The following UMAD1 variants were observed in gnomAD, a reference collection of about 807,000 sequenced individuals.
UMAD1 encodes UBAP1-MVB12-associated (UMA)-domain containing protein 1.
In UMAD1, 8 loss-of-function variants were observed where a neutral mutation model predicts 6.1. The observed-to-expected ratio is 1.30, with a 90% confidence interval of 0.76 to 2.35. The LOEUF (loss-of-function observed/expected upper bound fraction) is 2.35. Among genes scored for constraint, UMAD1 ranks in the 30% most tolerant of loss-of-function variants. The pLI is 0.00. For missense variants in UMAD1, 130 were observed against 78.4 expected (o/e 1.66, Z -2.49); for synonymous variants, 56 against 31.4 (o/e 1.78, Z -2.61).
chr7:7,692,864 C>T (rs760551483), intron 2 of UMAD1, among the ~76,000 whole-genome samples: 11 of 152,186 alleles, frequency 7.2e-5, no homozygotes, highest in Non-Finnish European at 1.6e-4. Context: ...GCCTCGGCTT[C>T]CCACAGGGCT....
At chr7:7,648,192 G>T (rs1158698416) in intron 1 of UMAD1, among the ~76,000 whole-genome samples, 1 of 152,172 alleles carries the variant, frequency 6.6e-6, no homozygotes, top group Non-Finnish European at 1.5e-5. Flanking sequence ...TTTCCATTAG[G>T]ACTTAATTGC....
At chr7:7,846,771 A>G (rs1467976005) in intron 3 of UMAD1, among the ~76,000 whole-genome samples, 3 of 151,852 alleles carry the variant, frequency 2.0e-5, no homozygotes, top group African/African-American at 7.3e-5. Context: ...TGAGTCACAT[A>G]AGTTTACTTA....
intron 2 of UMAD1, among the ~76,000 whole-genome samples, chr7:7,758,586 A>G (rs17151585): frequency 0.078 from 11,827 of 151,996 alleles, 478 homozygotes; most frequent in African/African-American, 0.099. Flanking sequence ...TTCCCATGCC[A>G]TTTTCTTATA....
At chr7:7,652,711 C>T (rs1267849042) in intron 1 of UMAD1, among the ~76,000 whole-genome samples, 1 of 152,076 alleles carries the variant, frequency 6.6e-6, no homozygotes. Context: ...ATTTTGGGCC[C>T]TCAAAAGATG....
At chr7:7,863,114 A>C (rs1784145887) in intron 3 of UMAD1, among the ~76,000 whole-genome samples, 1 of 152,138 alleles carries the variant, frequency 6.6e-6, no homozygotes, top group South Asian at 2.1e-4. Flanking sequence ...GACACAGGGG[A>C]TACATACTTG....
At chr7:7,743,051 T>A (rs1166868143) in intron 2 of UMAD1, among the ~76,000 whole-genome samples, 1 of 152,212 alleles carries the variant, frequency 6.6e-6, no homozygotes, top group Non-Finnish European at 1.5e-5. Context: ...TGTTGAAATC[T>A]GAAGAAGGTG....
At chr7:7,785,055 A>G (rs1449952201) in intron 2 of UMAD1, among the ~76,000 whole-genome samples, 1 of 152,156 alleles carries the variant, frequency 6.6e-6, no homozygotes, top group Non-Finnish European at 1.5e-5. Flanking sequence ...CTTTTCCTGT[A>G]TGGTCATTTC....
chr7:7,762,683 A>G (rs909305541), intron 2 of UMAD1, among the ~76,000 whole-genome samples: 2 of 152,208 alleles, frequency 1.3e-5, no homozygotes, highest in Non-Finnish European at 2.9e-5. Context: ...AATATAGTGC[A>G]GACAGAGACA....
At chr7:7,842,259 A>G (rs947229055) in intron 3 of UMAD1, among the ~76,000 whole-genome samples, 1 of 152,186 alleles carries the variant, frequency 6.6e-6, no homozygotes, top group African/African-American at 2.4e-5. Flanking sequence ...CCTTCTGCGC[A>G]GGGATGATAT....
At chr7:7,780,660 T>A (rs1782326245) in intron 2 of UMAD1, among the ~76,000 whole-genome samples, 1 of 152,208 alleles carries the variant, frequency 6.6e-6, no homozygotes, top group Non-Finnish European at 1.5e-5. Flanking sequence ...AATCCTGACT[T>A]CTAACAGCAC....
intron 2 of UMAD1, among the ~76,000 whole-genome samples, chr7:7,782,280 A>AT (rs1265474979): frequency 6.6e-6 from 1 of 151,834 alleles, no homozygotes; most frequent in Non-Finnish European, 1.5e-5. Flanking sequence ...TTCCTCTCGG[A>AT]TTTTTTTCTC....
At chr7:7,701,311 A>G (rs976762751) in intron 2 of UMAD1, among the ~76,000 whole-genome samples, 2 of 152,186 alleles carry the variant, frequency 1.3e-5, no homozygotes, top group Non-Finnish European at 1.5e-5. Context: ...TTAAGGGGAA[A>G]CTAGGTTAGG....
In UMAD1 at chr7:7,830,845, C is replaced by G. The variant is rs1248985857; in HGVS notation, c.156+29102C>G. On this transcript the variant is annotated intron_variant, in intron 3 of 3. Transcript: ENST00000682710. The surrounding 1 kb of genome is among the most constrained non-coding windows in gnomAD (Gnocchi z 5.3). ...AATGTAAATTGAAGCCTGTTTATAT[C>G]TTCCCATCTTTTTAAGTATCTGCAT... Among the ~76,000 whole-genome samples the G allele has an allele frequency of 3.3e-5, 5 of 152,122 alleles. No homozygotes were observed. The highest frequency in any genetic ancestry group is 1.2e-4 in the African/African-American group (5 of 41,422).
chr7:7,738,840 T>A (rs1160091064), intron 2 of UMAD1: 1 of 152,232 alleles, frequency 6.6e-6, no homozygotes, highest in Non-Finnish European at 1.5e-5. Flanking sequence ...TTGACATGGC[T>A]GCATTTGGAA....
intron 2 of UMAD1, among the ~76,000 whole-genome samples, chr7:7,798,018 A>G (rs1782722665): frequency 6.6e-6 from 1 of 152,178 alleles, no homozygotes; most frequent in African/African-American, 2.4e-5. Context: ...GAAATGATGG[A>G]AGACATATAT....
At chr7:7,658,002 T>C (rs1400550072) in intron 1 of UMAD1, among the ~76,000 whole-genome samples, 4 of 152,230 alleles carry the variant, frequency 2.6e-5, no homozygotes, top group African/African-American at 9.6e-5. Flanking sequence ...CAGTGGTTTA[T>C]AATTCTTCTT....
chr7:7,781,689 C>T (rs984754385), intron 2 of UMAD1, among the ~76,000 whole-genome samples: 2 of 151,820 alleles, frequency 1.3e-5, no homozygotes, highest in Non-Finnish European at 1.5e-5. Context: ...ATTATAATTT[C>T]GTTATGTGAA....
At chr7:7,742,069 G>T in intron 2 of UMAD1, 1 of 562,508 alleles carries the variant, frequency 1.8e-6, no homozygotes, top group South Asian at 1.4e-5. Context: ...GTACATCATA[G>T]ATGTTTAGTA....
At chr7:7,852,913 C>T (rs538486860) in intron 3 of UMAD1, among the ~76,000 whole-genome samples, 2 of 152,318 alleles carry the variant, frequency 1.3e-5, no homozygotes, top group East Asian at 3.9e-4. Context: ...TTCTTCTCGC[C>T]TCTCTGTGCA....
Sources: allele counts gnomAD v4.1 joint callset (sites outside exome capture counted in the v4.1 genomes callset), GRCh38; gene constraint gnomAD v4.1.1; non-coding constraint Gnocchi (gnomAD v3.1); transcripts MANE v1.5; gene names NCBI Gene and HGNC (gene_info 2026-07-23, HGNC 2026-07-21).